Variants in RGS6 observed in about 807,000 individuals in gnomAD.
The protein encoded by RGS6 is regulator of G protein signaling 6.
RGS6 carries 30 observed loss-of-function variants against 78.5 expected under a neutral mutation model. The observed-to-expected ratio is 0.38, with a 90% CI of 0.29 to 0.52. RGS6 has a LOEUF of 0.52. Ranked by LOEUF, RGS6 falls within the 20% of genes least tolerant of loss-of-function variation. The pLI, the probability that RGS6 is intolerant of heterozygous loss-of-function variation, is 0.85. For missense variants in RGS6, 495 were observed against 609.7 expected (o/e 0.81, Z 1.98); for synonymous variants, 206 against 206.0 (o/e 1.00, Z 0.00).
At position 72,453,666 on chromosome 14, in the gene RGS6, A is replaced by G. The variant is rs150834568; in HGVS notation, c.185-862A>G. Among the ~76,000 whole-genome samples, 1,169 of 148,878 alleles carry G rather than the reference A, an allele frequency of 7.9e-3. 23 individuals are homozygous for G. Among genetic ancestry groups the G allele is most frequent in the African/African-American group, 0.027 (1,104 of 40,428 alleles). Reference sequence around the variant, plus strand: ...GTTCCTTCAGACTCTTAAGATTTATATTCGTTAAGGTAATACTAGATACCA... The same window carrying G: ...GTTCCTTCAGACTCTTAAGATTTATGTTCGTTAAGGTAATACTAGATACCA... On this transcript the variant is annotated intron_variant, in intron 3 of 17. Coordinates refer to ENST00000553525, the MANE Select transcript of RGS6 (RefSeq NM_001204424.2).
At chr14:72,127,281 C>T (rs966629483) in intron 2 of RGS6, among the ~76,000 whole-genome samples, 1 of 152,110 alleles carries the variant, frequency 6.6e-6, no homozygotes, top group African/African-American at 2.4e-5. Context: ...AGTAGTATTA[C>T]TGAAAAAGTA....
rs532730057 is a variant in RGS6 at position 72,290,724 on chromosome 14, A to C, written c.85-61371A>C. 2.0e-4 allele frequency among the ~76,000 whole-genome samples: 30 copies of C among 152,348 alleles called. No individual in the cohort carries two copies. The South Asian group carries it at 4.8e-3, about 24-fold the overall frequency. ...GCTTAATTAGAAACTGGTCCTCATTAGGGATTCTTAAAGGAAGTGCTCAAT... is the reference window on the plus strand; with the variant it reads ...GCTTAATTAGAAACTGGTCCTCATTCGGGATTCTTAAAGGAAGTGCTCAAT... On this transcript the variant is annotated intron_variant, in intron 2 of 17. Coordinates refer to ENST00000553525, the MANE Select transcript of RGS6 (RefSeq NM_001204424.2).
chr14:72,415,240 C>T (rs559391338), intron 3 of RGS6, among the ~76,000 whole-genome samples: 7 of 152,372 alleles, frequency 4.6e-5, no homozygotes, highest in African/African-American at 1.2e-4. Context: ...TGGGCAATGG[C>T]GGGTGCCCCT....
At chr14:72,551,948 C>T (rs150573640) in intron 17 of RGS6, among the ~76,000 whole-genome samples, 95 of 152,352 alleles carry the variant, frequency 6.2e-4, no homozygotes, top group Non-Finnish European at 1.1e-3. Context: ...AAATGCATAA[C>T]GTCCTTAGCA....
chr14:72,213,755 T>A (rs1188974085), intron 2 of RGS6, among the ~76,000 whole-genome samples: 1 of 152,190 alleles, frequency 6.6e-6, no homozygotes, highest in African/African-American at 2.4e-5. Flanking sequence ...AGCCTGACCA[T>A]CTGGATGTTT....
At chr14:72,144,519 C>T (rs527740573) in intron 2 of RGS6, among the ~76,000 whole-genome samples, 1 of 152,246 alleles carries the variant, frequency 6.6e-6, no homozygotes, top group South Asian at 2.1e-4. Flanking sequence ...TGCAAGAGCC[C>T]TTTTGAATGA....
chr14:72,372,639 A>G (rs1435742950), intron 3 of RGS6, among the ~76,000 whole-genome samples: 3 of 152,328 alleles, frequency 2.0e-5, no homozygotes, highest in East Asian at 1.9e-4. Context: ...AGGACACTCT[A>G]TAGAGTCACA....
intron 2 of RGS6, among the ~76,000 whole-genome samples, chr14:71,975,753 G>A (rs145836042): frequency 0.02 from 3,067 of 152,238 alleles, 105 homozygotes; most frequent in African/African-American, 0.069. Context: ...CACCATGCCC[G>A]ACTGTGCTTG....
intron 2 of RGS6, among the ~76,000 whole-genome samples, chr14:72,313,861 G>A (rs1448900445): frequency 1.3e-5 from 2 of 152,204 alleles, no homozygotes; most frequent in Non-Finnish European, 2.9e-5. Context: ...TTATTTTGCT[G>A]CCATGTATCT....
At chr14:71,965,175 T>A (rs1441950123) in intron 2 of RGS6, among the ~76,000 whole-genome samples, 1 of 152,242 alleles carries the variant, frequency 6.6e-6, no homozygotes, top group Admixed American at 6.5e-5. Flanking sequence ...GTAAGATGTA[T>A]GAACTGAAAG....
At chr14:72,322,393 A>G (rs1380068577) in intron 2 of RGS6, among the ~76,000 whole-genome samples, 2 of 152,166 alleles carry the variant, frequency 1.3e-5, no homozygotes, top group Admixed American at 6.5e-5. Flanking sequence ...ATGAATTAGT[A>G]TAGAAGAAAT....
chr14:72,340,822 C>T (rs1425745506), intron 2 of RGS6, among the ~76,000 whole-genome samples: 1 of 152,120 alleles, frequency 6.6e-6, no homozygotes, highest in Non-Finnish European at 1.5e-5. Context: ...CTACTTCTGT[C>T]CCATGCAGAG....
chr14:71,893,963 C>G, the RGS6 span, among the ~76,000 whole-genome samples: 1 of 152,098 alleles, frequency 6.6e-6, no homozygotes, highest in African/African-American at 2.4e-5. Flanking sequence ...CTGAAAGCTC[C>G]TTTTGCTAGG....
At chr14:72,278,042 T>C (rs867560659) in intron 2 of RGS6, among the ~76,000 whole-genome samples, 1 of 152,322 alleles carries the variant, frequency 6.6e-6, no homozygotes, top group Middle Eastern at 3.4e-3. Flanking sequence ...TAAAGGACAG[T>C]GGACAGTGTC....
Position 72,449,085 on chromosome 14 carries a change from A to G in RGS6, c.185-5443A>G, listed in dbSNP as rs2095433508. On this transcript the variant is annotated intron_variant, in intron 3 of 17. Transcript: ENST00000553525. Reference sequence around the variant, plus strand: ...AAGGTGGCCTGAAGCTGTCCTCCCCACCCAGAGGTGCAGCAGAGGCCTGGC... The same window carrying G: ...AAGGTGGCCTGAAGCTGTCCTCCCCGCCCAGAGGTGCAGCAGAGGCCTGGC... Among the ~76,000 whole-genome samples, 4 of 152,112 alleles carry G rather than the reference A, an allele frequency of 2.6e-5. No individual in the cohort carries two copies. In the South Asian group the frequency reaches 8.3e-4, roughly 32 times the overall value.
At chr14:72,358,361 T>A (rs1441419004) in intron 3 of RGS6, among the ~76,000 whole-genome samples, 1 of 152,186 alleles carries the variant, frequency 6.6e-6, no homozygotes, top group Non-Finnish European at 1.5e-5. Context: ...CACCCCCAGC[T>A]TGCACTGTGC....
intron 2 of RGS6, among the ~76,000 whole-genome samples, chr14:72,084,478 A>G (rs1472223107): frequency 6.6e-6 from 1 of 152,194 alleles, no homozygotes; most frequent in Non-Finnish European, 1.5e-5. Context: ...CTCAACTTTG[A>G]AAAGTTGTTG....
At chr14:72,395,691 C>A (rs1313810279) in intron 3 of RGS6, among the ~76,000 whole-genome samples, 1 of 151,860 alleles carries the variant, frequency 6.6e-6, no homozygotes, top group Admixed American at 6.6e-5. Flanking sequence ...CTTCCCCCCA[C>A]CCCACAACAG....
intron 7 of RGS6, among the ~76,000 whole-genome samples, chr14:72,468,545 GGA>G (rs1344198791): frequency 6.6e-6 from 1 of 152,072 alleles, no homozygotes; most frequent in African/African-American, 2.4e-5. Flanking sequence ...AGCAAAGAAA[GGA>G]GAGAATATAA....
Sources: allele counts gnomAD v4.1 joint callset (sites outside exome capture counted in the v4.1 genomes callset), GRCh38; gene constraint gnomAD v4.1.1; transcripts MANE v1.5; gene names NCBI Gene and HGNC (gene_info 2026-07-23, HGNC 2026-07-21).